Variants in LYPD3 observed in about 807,000 individuals in gnomAD.
The protein encoded by LYPD3 is ly6/PLAUR domain-containing protein 3.
Under a neutral mutation model 21.7 loss-of-function variants are expected in LYPD3, and 22 were observed. The ratio of observed to expected loss-of-function variants is 1.01; its 90% CI spans 0.72 to 1.45. The LOEUF is 1.45. LYPD3 is among the 40% of genes most tolerant of loss of function. The pLI, the probability that LYPD3 is intolerant of heterozygous loss-of-function variation, is 0.00. For synonymous variants in LYPD3, 179 were observed against 203.0 expected (o/e 0.88, Z 1.00); for missense variants, 471 against 466.9 (o/e 1.01, Z -0.08).
At chr19:43,464,016 T>TG (rs1446634651) in intron 2 of LYPD3, 3 of 615,230 alleles carry the variant, frequency 4.9e-6, no homozygotes, top group Non-Finnish European at 8.6e-6. Flanking sequence ...GGAGACAGCC[T>TG]GGTTGACAGG....
chr19:43,462,304 C>T (rs960659947), intron 4 of LYPD3, among the ~76,000 whole-genome samples: 1 of 152,176 alleles, frequency 6.6e-6, no homozygotes, highest in Admixed American at 6.5e-5. Flanking sequence ...ACCCTCTCAC[C>T]ATTATCCCCT....
intron 3 of LYPD3, 63 bp from the exon 4 acceptor site, chr19:43,463,350 C>G (rs1264033035): frequency 1.9e-6 from 3 of 1,559,350 alleles, no homozygotes; most frequent in Non-Finnish European, 2.6e-6. Context: ...AGCTCGTCCT[C>G]TAGCCCCGCC....
Position 43,465,520 on chromosome 19 carries a change from A to C in LYPD3, c.52T>G (p.Trp18Gly). 1 of 1,610,438 alleles carries C rather than the reference A, an allele frequency of 6.2e-7. No homozygotes were observed. The highest frequency in any genetic ancestry group is 1.3e-5 in the African/African-American group (1 of 75,058). ...CCGCGAAGCAGCAGCAGCAGCAGCCAGCCTGCAGTCCAGATCATGGCCTGG... is the reference window on the plus strand; with the variant it reads ...CCGCGAAGCAGCAGCAGCAGCAGCCCGCCTGCAGTCCAGATCATGGCCTGG... ...GAQAMIWTAG[W>G]LLLLLLRGGA... Residue 18 changes from tryptophan (W) to glycine (G), a missense_variant, in exon 1 of 5, where the codon TGG (tryptophan) becomes GGG (glycine). By Grantham distance (184) the Trp-to-Gly change is radical (BLOSUM62 -2). Coordinates refer to ENST00000244333, the MANE Select transcript of LYPD3 (RefSeq NM_014400.3).
chr19:43,463,309 A>C, intron 3 of LYPD3, 22 bp from the exon 4 acceptor site: 1 of 1,599,344 alleles, frequency 6.3e-7, no homozygotes, highest in Non-Finnish European at 8.5e-7. Context: ...GCCGAGAGGA[A>C]GAAAAGGTGT....
Position 43,461,009 on chromosome 19 carries a change from A to C in LYPD3, c.*342T>G, listed in dbSNP as rs941814175. 4.2e-6 allele frequency: 1 copy of C among 235,406 alleles called. No homozygotes were observed. The highest frequency in any genetic ancestry group is 2.2e-5 in the African/African-American group (1 of 44,936). 14.6% of individuals were successfully genotyped at this position (235,406 alleles called of 1,614,324 possible). A position where few individuals can be genotyped will look rare whatever the true frequency, so the allele number is the denominator to read the frequency against. ...CGCTCCAAAGTCCAGGCTGGCTAGG[A>C]GAAAGTGAGTAGGAAGCTTAGCATC... On this transcript the variant is annotated 3_prime_UTR_variant, in exon 5 of 5. Coordinates refer to ENST00000244333, the MANE Select transcript of LYPD3 (RefSeq NM_014400.3).
chr19:43,461,949 G>A (rs936638461), intron 4 of LYPD3, 102 bp from the exon 5 acceptor site: 35 of 1,304,272 alleles, frequency 2.7e-5, no homozygotes, highest in East Asian at 1.7e-4. Context: ...GAACCTGACC[G>A]GGCGTGGTGG....
chr19:43,461,455 G>C lies in LYPD3; in HGVS notation c.937C>G (p.Pro313Ala). The change falls in exon 5 of 5, where the codon CCT (proline) becomes GCT (alanine). Residue 313 changes from proline (P) to alanine (A), a missense_variant. By Grantham distance (27) the Pro-to-Ala change is conservative (BLOSUM62 -1). Coordinates refer to ENST00000244333, the MANE Select transcript of LYPD3 (RefSeq NM_014400.3). ...GGCTGCTGGGGCCCCCCTTTTGCAG[G>C]ATACTGCCCTGAATTGCTGCGGTCC... ...HQDRSNSGQY[P>A]AKGGPQQPHN... The C allele has an allele frequency of 6.2e-7, 1 of 1,614,190 alleles. No individual in the cohort carries two copies. Among genetic ancestry groups the C allele is most frequent in the Non-Finnish European group, 8.5e-7 (1 of 1,180,034 alleles).
chr19:43,462,510 G>A (rs1970783843), intron 4 of LYPD3, among the ~76,000 whole-genome samples: 1 of 152,012 alleles, frequency 6.6e-6, no homozygotes. Flanking sequence ...AAAATAAAAG[G>A]AACCAGTCGT....
Position 43,464,306 on chromosome 19 carries a change from C to T in LYPD3, c.211+19G>A, listed in dbSNP as rs1247858138. 5.0e-6 allele frequency: 8 copies of T among 1,588,320 alleles called. No homozygotes were observed. In the South Asian group the frequency reaches 5.6e-5, roughly 11 times the overall value. ...GAGGAGCCTGCAGTGGTGTGCGTGG[C>T]CCGGGGGTCCCCACTCACTGGTCTC... On this transcript the variant is annotated intron_variant, in intron 2 of 4. Coordinates refer to ENST00000244333, the MANE Select transcript of LYPD3 (RefSeq NM_014400.3).
chr19:43,462,613 C>T (rs1292371417), intron 4 of LYPD3, among the ~76,000 whole-genome samples: 6 of 152,094 alleles, frequency 3.9e-5, no homozygotes, highest in South Asian at 2.1e-4. Context: ...GCTATGATTG[C>T]GCCACTACAC....
At chr19:43,462,215 A>C (rs1489051459) in intron 4 of LYPD3, among the ~76,000 whole-genome samples, 1 of 152,178 alleles carries the variant, frequency 6.6e-6, no homozygotes, top group Non-Finnish European at 1.5e-5. Flanking sequence ...CTGAACCAAA[A>C]GTAGGGTTTA....
intron 2 of LYPD3, 143 bp from the exon 3 acceptor site, chr19:43,463,912 G>A: frequency 1.2e-6 from 1 of 859,736 alleles, no homozygotes; most frequent in East Asian, 2.6e-5. Context: ...GCGGATGGAC[G>A]CCCCCAAAGA....
In LYPD3 at chr19:43,465,575, T is replaced by C. The variant is rs1447019923; in HGVS notation, c.-4A>G. On this transcript the variant is annotated 5_prime_UTR_variant, in exon 1 of 5. Coordinates refer to ENST00000244333, the MANE Select transcript of LYPD3 (RefSeq NM_014400.3). ...CTGCTTTCCTGGCGGGGTCCATGGC[T>C]CCGTCCTGCTCCCTTGGCGTCCCCC... The C allele has an allele frequency of 6.2e-7, 1 of 1,608,646 alleles. No individual in the cohort carries two copies. Among genetic ancestry groups the C allele is most frequent in the East Asian group, 2.2e-5 (1 of 44,856 alleles).
In LYPD3 at chr19:43,461,101, C is replaced by T. The variant is rs994648654; in HGVS notation, c.*250G>A. The stretch of plus-strand genomic sequence containing the variant: ...TGTCCTAACATCACAAGAGGACAAG[C>T]GGAGAGACAAGGATGAGAAGGATAC... On this transcript the variant is annotated 3_prime_UTR_variant, in exon 5 of 5. Transcript: ENST00000244333. The T allele has an allele frequency of 4.4e-5, 22 of 500,060 alleles. No individual in the cohort carries two copies. The highest frequency in any genetic ancestry group is 4.2e-4 in the East Asian group (13 of 30,696). 31.0% of individuals were successfully genotyped at this position (500,060 alleles called of 1,614,324 possible). A position where few individuals can be genotyped will look rare whatever the true frequency, so the allele number is the denominator to read the frequency against.
chr19:43,461,218 TG>T lies in LYPD3; in HGVS notation c.*132del. 2.8e-6 allele frequency: 3 copies of T among 1,068,526 alleles called. No homozygotes were observed. The highest frequency in any genetic ancestry group is 4.0e-6 in the Non-Finnish European group (3 of 754,430). The allele number at this position is 1,068,526 out of a possible 1,614,324, so 66.2% of individuals were successfully genotyped here. A position where few individuals can be genotyped will look rare whatever the true frequency, so the allele number is the denominator to read the frequency against. On this transcript the variant is annotated 3_prime_UTR_variant, in exon 5 of 5. Coordinates refer to ENST00000244333, the MANE Select transcript of LYPD3 (RefSeq NM_014400.3). ...AGCCGCAAACCAGCGCAGCAGAAGCTGGGGATACTGGGGAATGTTGGAAAAA... is the reference window on the plus strand; with the variant it reads ...AGCCGCAAACCAGCGCAGCAGAAGCTGGGATACTGGGGAATGTTGGAAAAA...
chr19:43,464,756 C>A (rs1271230946), intron 1 of LYPD3, among the ~76,000 whole-genome samples: 1 of 152,096 alleles, frequency 6.6e-6, no homozygotes, highest in Non-Finnish European at 1.5e-5. Flanking sequence ...TACCTCCTCA[C>A]GGTTTTCTGC....
Position 43,461,550 on chromosome 19 carries a change from C to A in LYPD3, c.842G>T (p.Arg281Ile), listed in dbSNP as rs772838299. ...PMPAPTSQTPRQGVEHEASRD... is the reference protein window; with the variant it reads ...PMPAPTSQTPIQGVEHEASRD... ...GGAGGCCTCGTGTTCTACTCCCTGT[C>A]TCGGAGTCTGACTGGTTGGCGCTGG... Residue 281 changes from arginine to isoleucine, a missense_variant, in exon 5 of 5, where the codon AGA becomes ATA. Arg to Ile is a moderately conservative substitution (Grantham distance 97, BLOSUM62 -3). Transcript: ENST00000244333. The A allele has an allele frequency of 1.5e-5, 24 of 1,614,166 alleles. 1 individual carries two copies. The South Asian group carries it at 2.5e-4, about 17-fold the overall frequency.
Position 43,460,795 on chromosome 19 carries a change from AAAGT to A in LYPD3, c.*552_*555del, listed in dbSNP as rs199619307. On this transcript the variant is annotated 3_prime_UTR_variant, in exon 5 of 5. Transcript: ENST00000244333. ...AAGTGACTCCTTTAAAGCACTATAC[AAAGT>A]AATTAAATCTTTATTGAGGCATTTA... 1,345 of 157,276 alleles carry A rather than the reference AAAGT, an allele frequency of 8.6e-3. 9 individuals carry two copies. Among genetic ancestry groups the A allele is most frequent in the Non-Finnish European group, 0.011 (785 of 71,130 alleles). The allele number at this position is 157,276 out of a possible 1,614,324, so 9.7% of individuals were successfully genotyped here.
rs569447464 is a variant in LYPD3 at position 43,461,985 on chromosome 19, G to A, written c.545-138C>T. 17 of 798,832 alleles carry A rather than the reference G, an allele frequency of 2.1e-5. No individual in the cohort carries two copies. In the East Asian group the frequency reaches 3.7e-4, roughly 18 times the overall value. The allele number at this position is 798,832 out of a possible 1,614,324, so 49.5% of individuals were successfully genotyped here. A position where few individuals can be genotyped will look rare whatever the true frequency, so the allele number is the denominator to read the frequency against. ...CTCACGCCTGTAATCCCAGCACTTT[G>A]GGAAGCCGAGGCAGGTGGATCACTG... On this transcript the variant is annotated intron_variant, in intron 4 of 4. Transcript: ENST00000244333.
Sources: gnomAD v4.1 joint callset for allele counts (sites outside exome capture counted in the v4.1 genomes callset) on GRCh38, gnomAD v4.1.1 for gene constraint, MANE v1.5 for transcripts, NCBI Gene and HGNC (gene_info 2026-07-23, HGNC 2026-07-21) for gene names.